The following DAB2IP variants were observed in gnomAD, a reference collection of about 807,000 sequenced individuals.
DAB2IP encodes the protein disabled homolog 2-interacting protein.
In DAB2IP, 28 loss-of-function variants were observed where a neutral mutation model predicts 107.2. The ratio of observed to expected loss-of-function variants is 0.26; its 90% CI spans 0.19 to 0.36. The LOEUF is 0.36. DAB2IP is among the 10% of genes least tolerant of loss of function. The pLI is 1.00. For missense variants in DAB2IP, 1,400 were observed against 1,644.7 expected, an observed-to-expected ratio of 0.85 and a Z score of 2.57; for synonymous variants, 755 against 706.4, an observed-to-expected ratio of 1.07 and a Z score of -1.09.
exon 16 of DAB2IP, chr9:121,783,695 G>A (rs1835817253): frequency 6.5e-6 from 7 of 1,082,158 alleles, no homozygotes; most frequent in Non-Finnish European, 8.4e-6. Flanking sequence ...GTGTGTGGCC[G>A]GCCTCCTCCT....
chr9:121,576,340 T>G (rs1830056181), intron 1 of DAB2IP: 1 of 152,410 alleles, frequency 6.6e-6, no homozygotes, highest in Admixed American at 6.5e-5. Flanking sequence ...AATTAATTTC[T>G]GCCTTGAATC....
chr9:121,711,403 C>T (rs1830330692), intron 3 of DAB2IP, among the ~76,000 whole-genome samples: 1 of 152,162 alleles, frequency 6.6e-6, no homozygotes, highest in Non-Finnish European at 1.5e-5. Flanking sequence ...CTTCCTCATT[C>T]TTGGGAAATC....
chr9:121,609,197 G>A (rs1160237810), intron 1 of DAB2IP, among the ~76,000 whole-genome samples: 7 of 152,112 alleles, frequency 4.6e-5, no homozygotes, highest in African/African-American at 7.2e-5. Context: ...CGTCCGCCTC[G>A]AACTCCCAAA....
At chr9:121,713,999 A>G (rs1282758742) in intron 3 of DAB2IP, among the ~76,000 whole-genome samples, 1 of 152,180 alleles carries the variant, frequency 6.6e-6, no homozygotes, top group African/African-American at 2.4e-5. Flanking sequence ...TTAAATGGGC[A>G]CCATGATTGT....
intron 1 of DAB2IP, among the ~76,000 whole-genome samples, chr9:121,639,528 G>T (rs1264870132): frequency 6.6e-6 from 1 of 152,160 alleles, no homozygotes; most frequent in African/African-American, 2.4e-5. Context: ...CACGGCTGCT[G>T]CCTGGCCCTA....
chr9:121,708,270 T>G (rs1830157522), intron 3 of DAB2IP, among the ~76,000 whole-genome samples: 1 of 152,170 alleles, frequency 6.6e-6, no homozygotes. Flanking sequence ...TGGCCCAAAG[T>G]CACACACTGG....
intron 1 of DAB2IP, among the ~76,000 whole-genome samples, chr9:121,663,900 T>G (rs1277609599): frequency 6.6e-6 from 1 of 152,248 alleles, no homozygotes; most frequent in Non-Finnish European, 1.5e-5. Flanking sequence ...GATTCAGAGA[T>G]ATCCGGGCTT....
At chr9:121,731,801 A>T (rs1478217236) in intron 3 of DAB2IP, among the ~76,000 whole-genome samples, 1 of 152,082 alleles carries the variant, frequency 6.6e-6, no homozygotes, top group Non-Finnish European at 1.5e-5. Flanking sequence ...ATCTCCCTGC[A>T]CTACCCCACG....
rs1056432516 is a variant in DAB2IP at position 121,752,060 on chromosome 9, G to A, written c.363-4953G>A. On this transcript the variant is annotated intron_variant, in intron 3 of 15. Transcript: ENST00000408936. The stretch of plus-strand genomic sequence containing the variant: ...GTTTAGAAGGGTCTCGGCTGGGGCC[G>A]TGGGGAGCAGTGTGCAGCCACAGAG... 1.0e-5 allele frequency: 10 copies of A among 980,678 alleles called. No homozygotes were observed. The South Asian group carries it at 1.4e-4, about 14-fold the overall frequency. The allele number at this position is 980,678 out of a possible 1,614,324, so 60.7% of individuals were successfully genotyped here. A position where few individuals can be genotyped will look rare whatever the true frequency, so the allele number is the denominator to read the frequency against.
At chr9:121,582,748 G>A (rs918608745) in intron 1 of DAB2IP, among the ~76,000 whole-genome samples, 10 of 152,170 alleles carry the variant, frequency 6.6e-5, no homozygotes, top group South Asian at 2.1e-4. Context: ...CTTCTGAGCC[G>A]GAAACACCTG....
intron 1 of DAB2IP, among the ~76,000 whole-genome samples, chr9:121,569,718 G>A (rs628509): frequency 0.28 from 42,569 of 152,148 alleles, 6,389 homozygotes; most frequent in African/African-American, 0.32. Flanking sequence ...CTACTTGGGA[G>A]GCTGAGGCAT....
exon 12 of DAB2IP, chr9:121,773,043 C>T: frequency 6.2e-7 from 1 of 1,612,460 alleles, no homozygotes; most frequent in Non-Finnish European, 8.5e-7. Flanking sequence ...GGCGGCTGGC[C>T]TGCCGCTGTC....
chr9:121,722,266 A>T (rs1830981274), intron 3 of DAB2IP, among the ~76,000 whole-genome samples: 1 of 152,184 alleles, frequency 6.6e-6, no homozygotes, highest in South Asian at 2.1e-4. Context: ...GGCTTTCGCA[A>T]GAACACCTAA....
intron 1 of DAB2IP, among the ~76,000 whole-genome samples, chr9:121,677,194 T>C (rs1833952563): frequency 1.3e-5 from 2 of 152,110 alleles, no homozygotes; most frequent in Non-Finnish European, 2.9e-5. Flanking sequence ...GGAAAATAAC[T>C]GGAAGCCAGA....
intron 1 of DAB2IP, among the ~76,000 whole-genome samples, chr9:121,569,966 T>G (rs72764019): frequency 6.3e-4 from 95 of 151,708 alleles, no homozygotes; most frequent in South Asian, 2.9e-3. Flanking sequence ...ATTAAAATTT[T>G]TGTGTGTGTG....
intron 1 of DAB2IP, among the ~76,000 whole-genome samples, chr9:121,672,809 C>G (rs1359277289): frequency 1.3e-5 from 2 of 152,236 alleles, no homozygotes; most frequent in Admixed American, 1.3e-4. Context: ...CACTTTCATA[C>G]TGTGTGATCT....
intron 1 of DAB2IP, among the ~76,000 whole-genome samples, chr9:121,658,008 T>C (rs1223810077): frequency 6.6e-6 from 1 of 152,134 alleles, no homozygotes; most frequent in Non-Finnish European, 1.5e-5. Flanking sequence ...TGTATCCTGT[T>C]TCGGTGTTGG....
chr9:121,630,533 A>ATTT (rs1554716325), intron 1 of DAB2IP, among the ~76,000 whole-genome samples: 39 of 146,996 alleles, frequency 2.7e-4, no homozygotes, highest in African/African-American at 9.7e-4. Context: ...TCATAAAAAA[A>ATTT]TTTTTTTTTT....
chr9:121,568,392 T>G (rs928178545), intron 1 of DAB2IP, among the ~76,000 whole-genome samples: 2 of 152,238 alleles, frequency 1.3e-5, no homozygotes, highest in African/African-American at 2.4e-5. Flanking sequence ...CAGAGTGACC[T>G]CCATGTGCCA....
Sources: allele counts gnomAD v4.1 joint callset (sites outside exome capture counted in the v4.1 genomes callset), GRCh38; gene constraint gnomAD v4.1.1; transcripts MANE v1.5; gene names NCBI Gene and HGNC (gene_info 2026-07-23, HGNC 2026-07-21).